The following PLS1 variants were observed in gnomAD, a reference collection of about 807,000 sequenced individuals.
The protein encoded by PLS1 is plastin-1.
A neutral mutation model predicts 73.7 loss-of-function variants in PLS1; 32 were observed. The observed-to-expected ratio is 0.43, with a 90% CI of 0.33 to 0.58. PLS1 has a LOEUF of 0.58. PLS1 is among the 20% of genes least tolerant of loss of function. PLS1 has a pLI of 0.04. For missense variants in PLS1, 633 were observed against 740.5 expected (o/e 0.85, Z 1.68); for synonymous variants, 217 against 261.3 (o/e 0.83, Z 1.63).
chr3:142,691,592 A>G (rs1022495710), intron 10 of PLS1, among the ~76,000 whole-genome samples: 1 of 152,150 alleles, frequency 6.6e-6, no homozygotes, highest in African/African-American at 2.4e-5. Context: ...TGTGAATAGG[A>G]TTGCTAAATA....
intron 1 of PLS1, among the ~76,000 whole-genome samples, chr3:142,620,981 T>G (rs139377421): frequency 0.019 from 2,850 of 152,184 alleles, 49 homozygotes; most frequent in East Asian, 0.082. Context: ...ATTGCACCCC[T>G]GCACTCCAGC....
chr3:142,600,986 C>T (rs2035916821), intron 1 of PLS1, among the ~76,000 whole-genome samples: 1 of 124,952 alleles, frequency 8.0e-6, no homozygotes, highest in Non-Finnish European at 1.6e-5. Flanking sequence ...TGCAGTGGCG[C>T]AATCTCGGCT....
chr3:142,621,519 CA>C (rs1220066303), intron 1 of PLS1, among the ~76,000 whole-genome samples: 1 of 152,070 alleles, frequency 6.6e-6, no homozygotes, highest in Non-Finnish European at 1.5e-5. Flanking sequence ...GGCATACTTT[CA>C]AAAACTGAAA....
intron 12 of PLS1, among the ~76,000 whole-genome samples, chr3:142,701,615 A>G (rs895696250): frequency 2.0e-5 from 3 of 152,196 alleles, no homozygotes; most frequent in African/African-American, 2.4e-5. Flanking sequence ...AATATTGCCC[A>G]TAAAAGAATA....
intron 1 of PLS1, among the ~76,000 whole-genome samples, chr3:142,635,435 CAA>C (rs34712134): frequency 0.12 from 15,714 of 129,464 alleles, 1,750 homozygotes; most frequent in African/African-American, 0.32. Context: ...ACTAAAAATA[CAA>C]AAAAAAAAAA....
Position 142,694,533 on chromosome 3 carries a change from T to C in PLS1, c.1242T>C (p.Ile414=), listed in dbSNP as rs1292685511. Residue 414 remains isoleucine (I), a synonymous_variant, in exon 11 of 16, where the codon ATT becomes ATC. Coordinates refer to ENST00000457734, the MANE Select transcript of PLS1 (RefSeq NM_001145319.2). ...WMNSLGVNPY[I]NHLYSDLADA... ...ATTCCTTGGGAGTCAACCCATACAT[T>C]AATCATTTGTACAGGTAAATATTTT... 6.3e-7 allele frequency: 1 copy of C among 1,582,252 alleles called. No homozygotes were observed. Among genetic ancestry groups the C allele is most frequent in the Admixed American group, 1.7e-5 (1 of 59,870 alleles).
At chr3:142,677,536 C>T (rs535687974) in intron 5 of PLS1, among the ~76,000 whole-genome samples, 15 of 151,800 alleles carry the variant, frequency 9.9e-5, no homozygotes, top group East Asian at 3.9e-4. Flanking sequence ...CCCAGCTACT[C>T]GGGAGGCTGA....
intron 15 of PLS1, 70 bp downstream of exon 15, chr3:142,711,695 C>A: frequency 7.2e-7 from 1 of 1,391,096 alleles, no homozygotes; most frequent in Non-Finnish European, 9.9e-7. Flanking sequence ...GGAAAAGTTA[C>A]TATGCCCTTA....
chr3:142,710,346 CT>C (rs1463403300), intron 14 of PLS1, among the ~76,000 whole-genome samples: 1 of 152,034 alleles, frequency 6.6e-6, no homozygotes, highest in African/African-American at 2.4e-5. Context: ...AATTAAATTA[CT>C]GTGGTAATAG....
At chr3:142,634,560 T>C (rs2036636514) in intron 1 of PLS1, among the ~76,000 whole-genome samples, 1 of 152,126 alleles carries the variant, frequency 6.6e-6, no homozygotes, top group South Asian at 2.1e-4. Flanking sequence ...CCCGCGATGG[T>C]GTAGTATAGA....
At chr3:142,607,054 T>G (rs1313349509) in intron 1 of PLS1, among the ~76,000 whole-genome samples, 1 of 152,204 alleles carries the variant, frequency 6.6e-6, no homozygotes, top group Non-Finnish European at 1.5e-5. Context: ...CTACCGGCAA[T>G]GAATGGAAGT....
At chr3:142,658,422 G>A (rs2037288769) in intron 1 of PLS1, among the ~76,000 whole-genome samples, 1 of 151,174 alleles carries the variant, frequency 6.6e-6, no homozygotes, top group African/African-American at 2.4e-5. Flanking sequence ...GCTGCGGTGA[G>A]CTGAGATCAT....
At chr3:142,697,022 C>T (rs955043650) in intron 11 of PLS1, among the ~76,000 whole-genome samples, 2 of 151,714 alleles carry the variant, frequency 1.3e-5, no homozygotes, top group Non-Finnish European at 2.9e-5. Flanking sequence ...TGAACCTTAG[C>T]GAAACATAAC....
intron 1 of PLS1, among the ~76,000 whole-genome samples, chr3:142,598,077 T>C (rs978722780): frequency 1.3e-5 from 2 of 152,170 alleles, no homozygotes; most frequent in East Asian, 3.9e-4. Flanking sequence ...AGGTGTGACC[T>C]CTTTTTGGAA....
At chr3:142,635,614 AT>A (rs1255484967) in intron 1 of PLS1, among the ~76,000 whole-genome samples, 2 of 152,134 alleles carry the variant, frequency 1.3e-5, no homozygotes, top group African/African-American at 4.8e-5. Context: ...CTCAAAAAAA[AT>A]GTTTGAATAG....
At chr3:142,681,708 T>C (rs2037861363) in intron 6 of PLS1, among the ~76,000 whole-genome samples, 1 of 152,178 alleles carries the variant, frequency 6.6e-6, no homozygotes, top group South Asian at 2.1e-4. Context: ...ATGGTAAGAA[T>C]TGTATAGCAA....
chr3:142,600,735 G>A (rs1210255368), intron 1 of PLS1, among the ~76,000 whole-genome samples: 1 of 151,234 alleles, frequency 6.6e-6, no homozygotes, highest in Non-Finnish European at 1.5e-5. Flanking sequence ...GCACACTGTG[G>A]TTGACCACCA....
At chr3:142,697,514 C>T (rs2038236679) in intron 11 of PLS1, among the ~76,000 whole-genome samples, 1 of 152,084 alleles carries the variant, frequency 6.6e-6, no homozygotes, top group Non-Finnish European at 1.5e-5. Flanking sequence ...TACATAAATA[C>T]ATTTGACTCT....
At chr3:142,616,829 T>G (rs891456808) in intron 1 of PLS1, among the ~76,000 whole-genome samples, 13 of 152,320 alleles carry the variant, frequency 8.5e-5, no homozygotes, top group Admixed American at 5.2e-4. Context: ...CTTGAACTCC[T>G]GACCTCAGGT....
Sources: gnomAD v4.1 joint callset for allele counts (sites outside exome capture counted in the v4.1 genomes callset) on GRCh38, gnomAD v4.1.1 for gene constraint, MANE v1.5 for transcripts, NCBI Gene and HGNC (gene_info 2026-07-23, HGNC 2026-07-21) for gene names.